The following TRMU variants were observed in gnomAD, a reference collection of about 807,000 sequenced individuals.
TRMU encodes the protein tRNA mitochondrial 2-thiouridylase, also known as mitochondrial tRNA-specific 2-thiouridylase 1.
A neutral mutation model predicts 46.9 loss-of-function variants in TRMU; 49 were observed. The ratio of observed to expected loss-of-function variants is 1.05; its 90% CI spans 0.83 to 1.33. The LOEUF (loss-of-function observed/expected upper bound fraction) is 1.33, where lower values mean the gene tolerates loss of function less well. TRMU is among the 40% of genes most tolerant of loss of function. The probability of loss-of-function intolerance (pLI) is 0.00; values close to 1 mark genes in which losing one functional copy is unlikely to be tolerated. For synonymous variants in TRMU, 241 were observed against 200.9 expected, an observed-to-expected ratio of 1.20 and a Z score of -1.69; for missense variants, 572 against 532.4, an observed-to-expected ratio of 1.07 and a Z score of -0.73.
chr22:46,356,490 G>T, intron 10 of TRMU: 1 of 427,988 alleles, frequency 2.3e-6, no homozygotes, highest in Non-Finnish European at 4.3e-6. Context: ...GGGAACCTGG[G>T]GTGAGGGAAG....
chr22:46,353,417 A>C, intron 7 of TRMU: 1 of 346,256 alleles, frequency 2.9e-6, no homozygotes, highest in Non-Finnish European at 5.7e-6. Context: ...ACGTGCAGCT[A>C]TGTCATGGGC....
intron 8 of TRMU, chr22:46,355,108 G>A (rs988531012): frequency 2.1e-5 from 9 of 438,574 alleles, no homozygotes; most frequent in African/African-American, 1.4e-4. Flanking sequence ...GAGGGGGGCC[G>A]TGCTGCTGCC....
chr22:46,356,514 T>C, intron 10 of TRMU: 1 of 443,842 alleles, frequency 2.3e-6, no homozygotes, highest in Non-Finnish European at 4.1e-6. Context: ...AAGCATCCTC[T>C]GGCTGCCACC....
chr22:46,340,857 A>G (rs2078103914), intron 2 of TRMU, among the ~76,000 whole-genome samples: 1 of 152,192 alleles, frequency 6.6e-6, no homozygotes, highest in South Asian at 2.1e-4. Flanking sequence ...GGCCGGGTAG[A>G]GTCTTTTCCC....
rs545984208 is a variant in TRMU, at chr22:46,348,239, C to T, written c.478+1695C>T. ...AGATGCGCCTGCTTACCTCCTAGAA[C>T]ATTACCTCCTAGAACACTGTGTGCC... On this transcript the variant is annotated intron_variant, in intron 4 of 10. Coordinates refer to ENST00000645190, the MANE Select transcript of TRMU (RefSeq NM_018006.5). This position sits in a 1 kb window ranked among gnomAD's most constrained non-coding sequence, Gnocchi z 4.8. Among the ~76,000 whole-genome samples the T allele has an allele frequency of 1.8e-3, 273 of 152,082 alleles. No homozygotes were observed. Among genetic ancestry groups the T allele is most frequent in the Non-Finnish European group, 3.1e-3 (211 of 67,864 alleles).
chr22:46,355,035 C>A (rs1376363709), intron 8 of TRMU: 2 of 274,690 alleles, frequency 7.3e-6, no homozygotes, highest in Non-Finnish European at 1.4e-5. Flanking sequence ...CCTGGGGTGG[C>A]CTTGAGAGAA....
In TRMU at chr22:46,356,951, C is replaced by A. The variant is rs760435544; in HGVS notation, c.1211C>A (p.Thr404Asn). The A allele has an allele frequency of 1.1e-5, 17 of 1,613,564 alleles. No individual in the cohort carries two copies. The Admixed American group carries it at 2.8e-4, about 27-fold the overall frequency. Residue 404 changes from threonine to asparagine, a missense_variant, in exon 11 of 11, where the codon ACT becomes AAT. Coordinates refer to ENST00000645190, the MANE Select transcript of TRMU (RefSeq NM_018006.5). ...QKGQRRAGMA[T>N]ESPSDSPEDG... Reference sequence around the variant, plus strand: ...GGCCAGCGCAGAGCTGGGATGGCCACTGAGAGCCCCAGTGACAGCCCAGAA... The same window carrying A: ...GGCCAGCGCAGAGCTGGGATGGCCAATGAGAGCCCCAGTGACAGCCCAGAA...
In TRMU at chr22:46,342,660, A is replaced by G. The variant is rs2078150872; in HGVS notation, c.249-602A>G. On this transcript the variant is annotated intron_variant, in intron 2 of 10. Coordinates refer to ENST00000645190, the MANE Select transcript of TRMU (RefSeq NM_018006.5). The surrounding 1 kb of genome is among the most constrained non-coding windows in gnomAD (Gnocchi z 4.7). The stretch of plus-strand genomic sequence containing the variant: ...GGCAAGACCTCATCTCTATAAAAAA[A>G]GAAAAGGTTGCAGTGGGCCAGGTGC... Among the ~76,000 whole-genome samples, 1 of 152,212 alleles carries G rather than the reference A, an allele frequency of 6.6e-6. No individual in the cohort carries two copies. The highest frequency in any genetic ancestry group is 2.4e-5 in the African/African-American group (1 of 41,450).
Position 46,350,986 on chromosome 22 carries a change from A to T in TRMU, c.651+523A>T, listed in dbSNP as rs1386068137. ...CCGCCCGCGAGTGGGGGACACAGGC[A>T]GGAGGCCAATCAGTGTAAACCTAGA... is the stretch of plus-strand genomic sequence containing the variant. On this transcript the variant is annotated intron_variant, in intron 5 of 10. Transcript: ENST00000645190. This position sits in a 1 kb window ranked among gnomAD's most constrained non-coding sequence, Gnocchi z 4.6. Among the ~76,000 whole-genome samples the T allele has an allele frequency of 6.6e-6, 1 of 152,234 alleles. No homozygotes were observed. Among genetic ancestry groups the T allele is most frequent in the Non-Finnish European group, 1.5e-5 (1 of 68,034 alleles).
At position 46,351,459 on chromosome 22, in the gene TRMU, GTC is replaced by G. The variant is rs3056318; in HGVS notation, c.652-658_652-657del. Among the ~76,000 whole-genome samples, 4,873 of 152,152 alleles carry G rather than the reference GTC, an allele frequency of 0.032. 269 individuals carry two copies. The highest frequency in any genetic ancestry group is 0.11 in the African/African-American group (4,572 of 41,496). Reference sequence around the variant, plus strand: ...GCGGTGGGAGCTGTTGCTCCTTCGTGTCTCTTCCTGGTAATGGAAACGGCCAT... The same window carrying G: ...GCGGTGGGAGCTGTTGCTCCTTCGTGTCTTCCTGGTAATGGAAACGGCCAT... On this transcript the variant is annotated intron_variant, in intron 5 of 10. Transcript: ENST00000645190. The surrounding 1 kb of genome is among the most constrained non-coding windows in gnomAD (Gnocchi z 6.4).
Position 46,356,060 on chromosome 22 carries a change from T to C in TRMU, c.1089T>C (p.Leu363=). 3 of 1,613,862 alleles carry C rather than the reference T, an allele frequency of 1.9e-6. No individual in the cohort carries two copies. Among genetic ancestry groups the C allele is most frequent in the Non-Finnish European group, 2.5e-6 (3 of 1,179,898 alleles). ...CAGCTGTGCAGGCTGTGCGTGCCCT[T>C]GCCACAGGACAGGTGCGTGGGGTGT... The part of the protein sequence containing the change: ...WVTAVQAVRA[L]ATGQFAVFYK... The change falls in exon 10 of 11, where the codon CTT becomes CTC. Residue 363 remains leucine, a synonymous_variant. Coordinates refer to ENST00000645190, the MANE Select transcript of TRMU (RefSeq NM_018006.5).
At position 46,350,335 on chromosome 22, in the gene TRMU, T is replaced by G. The variant is rs2078378302; in HGVS notation, c.523T>G (p.Phe175Val). ...AGCTGACAGCTTTAAAGACCAGACC[T>G]TCTTTCTCAGCCAGGTTTCCCAGGA... ...QAADSFKDQT[F>V]FLSQVSQDAL... Residue 175 changes from phenylalanine (F) to valine (V), a missense_variant, in exon 5 of 11, where the codon TTC becomes GTC. Coordinates refer to ENST00000645190, the MANE Select transcript of TRMU (RefSeq NM_018006.5). The surrounding 1 kb of genome is among the most constrained non-coding windows in gnomAD (Gnocchi z 4.6). 2 of 1,614,126 alleles carry G rather than the reference T, an allele frequency of 1.2e-6. No homozygotes were observed. The highest frequency in any genetic ancestry group is 2.2e-5 in the South Asian group (2 of 91,092).
rs1022651498 is a variant in TRMU at position 46,342,479 on chromosome 22, G to A, written c.249-783G>A. Among the ~76,000 whole-genome samples, 1 of 152,102 alleles carries A rather than the reference G, an allele frequency of 6.6e-6. No homozygotes were observed. The highest frequency in any genetic ancestry group is 2.1e-4 in the South Asian group (1 of 4,828). ...GTTTTTATGGAGGCTTCATGACATCGCCATTCCTTCCCCCAGGATATACAG... is the reference window on the plus strand; with the variant it reads ...GTTTTTATGGAGGCTTCATGACATCACCATTCCTTCCCCCAGGATATACAG... On this transcript the variant is annotated intron_variant, in intron 2 of 10. Coordinates refer to ENST00000645190, the MANE Select transcript of TRMU (RefSeq NM_018006.5). This position sits in a 1 kb window ranked among gnomAD's most constrained non-coding sequence, Gnocchi z 4.7.
intron 1 of TRMU, 135 bp downstream of exon 1, chr22:46,335,981 C>A (rs952784154): frequency 1.9e-5 from 28 of 1,462,800 alleles, no homozygotes; most frequent in Admixed American, 2.3e-5. Context: ...GAGGATACCC[C>A]GTCCTCTGAC....
chr22:46,349,601 G>C lies in TRMU; in HGVS notation c.479-690G>C, dbSNP rs1248387302. On this transcript the variant is annotated intron_variant, in intron 4 of 10. Coordinates refer to ENST00000645190, the MANE Select transcript of TRMU (RefSeq NM_018006.5). The surrounding 1 kb of genome is among the most constrained non-coding windows in gnomAD (Gnocchi z 4.6). The stretch of plus-strand genomic sequence containing the variant: ...TTTTTTGCCATTGATCATTGAACTC[G>C]AGAGTGGAGAACTGGACGGTTCTAA... Among the ~76,000 whole-genome samples the C allele has an allele frequency of 6.6e-6, 1 of 152,216 alleles. No individual in the cohort carries two copies. Among genetic ancestry groups the C allele is most frequent in the Non-Finnish European group, 1.5e-5 (1 of 68,036 alleles).
intron 3 of TRMU, among the ~76,000 whole-genome samples, chr22:46,346,084 T>C (rs2078249210): frequency 6.6e-6 from 1 of 152,234 alleles, no homozygotes; most frequent in African/African-American, 2.4e-5. Context: ...CTTCGTATTA[T>C]CACAAACCCT....
chr22:46,343,225 T>C, intron 2 of TRMU, 37 bp from the exon 3 acceptor site: 2 of 1,440,024 alleles, frequency 1.4e-6, no homozygotes, highest in South Asian at 2.4e-5. Flanking sequence ...GAGGAATGTT[T>C]CACACTTGGA....
chr22:46,353,929 C>T, intron 8 of TRMU, 62 bp downstream of exon 8: 3 of 1,528,738 alleles, frequency 2.0e-6, no homozygotes, highest in Non-Finnish European at 2.7e-6. Flanking sequence ...GCAGTGCTTC[C>T]AGACCAGGGC....
In TRMU at chr22:46,348,809, C is replaced by T. The variant is rs954993290; in HGVS notation, c.479-1482C>T. Reference sequence around the variant, plus strand: ...GTTTTCTGAGGCTTTTACACACATGCAGTGTTTGACTGCAGTTAGTTTGGG... The same window carrying T: ...GTTTTCTGAGGCTTTTACACACATGTAGTGTTTGACTGCAGTTAGTTTGGG... On this transcript the variant is annotated intron_variant, in intron 4 of 10. Coordinates refer to ENST00000645190, the MANE Select transcript of TRMU (RefSeq NM_018006.5). The surrounding 1 kb of genome is among the most constrained non-coding windows in gnomAD (Gnocchi z 4.8). Among the ~76,000 whole-genome samples, 7 of 152,148 alleles carry T rather than the reference C, an allele frequency of 4.6e-5. No homozygotes were observed. The highest frequency in any genetic ancestry group is 4.6e-4 in the Admixed American group (7 of 15,282).
Sources: allele counts gnomAD v4.1 joint callset (sites outside exome capture counted in the v4.1 genomes callset), GRCh38; gene constraint gnomAD v4.1.1; non-coding constraint Gnocchi (gnomAD v3.1); transcripts MANE v1.5; gene names NCBI Gene and HGNC (gene_info 2026-07-23, HGNC 2026-07-21).